The following RBM25 variants were observed in gnomAD, a reference collection of about 807,000 sequenced individuals.
RBM25 encodes the protein RNA-binding protein 25.
RBM25 carries 19 observed loss-of-function variants against 120.7 expected under a neutral mutation model. The observed-to-expected ratio is 0.16, with a 90% CI of 0.11 to 0.23. The LOEUF is 0.23. Among genes scored for constraint, RBM25 ranks in the 10% least tolerant of loss-of-function variants. The probability of loss-of-function intolerance (pLI) is 1.00; values close to 1 mark genes in which losing one functional copy is unlikely to be tolerated. For synonymous variants in RBM25, 390 were observed against 326.7 expected, an observed-to-expected ratio of 1.19 and a Z score of -2.09; for missense variants, 605 against 1,041.5, an observed-to-expected ratio of 0.58 and a Z score of 5.77.
chr14:73,086,106 G>T (rs962846277), intron 5 of RBM25, among the ~76,000 whole-genome samples: 1 of 151,662 alleles, frequency 6.6e-6, no homozygotes, highest in Admixed American at 6.6e-5. Flanking sequence ...TTTCTCCAGG[G>T]GAAATTGTTT....
Position 73,108,844 on chromosome 14 carries a change from C to T in RBM25, c.1542-498C>T, listed in dbSNP as rs756039133. 4.6e-5 allele frequency among the ~76,000 whole-genome samples: 7 copies of T among 152,144 alleles called. No individual in the cohort carries two copies. The East Asian group carries it at 5.8e-4, about 13-fold the overall frequency. On this transcript the variant is annotated intron_variant, in intron 13 of 18. Coordinates refer to ENST00000261973, the MANE Select transcript of RBM25 (RefSeq NM_021239.3). The stretch of plus-strand genomic sequence containing the variant: ...AGAAGCATAAAGTGGCAATGTATAA[C>T]GTCAACATTCTGAGAAGTAATGAAC...
chr14:73,075,105 C>G (rs933104578), intron 2 of RBM25, among the ~76,000 whole-genome samples: 1 of 151,824 alleles, frequency 6.6e-6, no homozygotes, highest in Non-Finnish European at 1.5e-5. Context: ...CTCCTGGGCT[C>G]AGGGATCCTT....
intron 9 of RBM25, chr14:73,101,349 A>G (rs1448197071): frequency 6.6e-6 from 1 of 152,328 alleles, no homozygotes; most frequent in Non-Finnish European, 1.5e-5. Context: ...AGCACGGATG[A>G]GTCTGAAGAG....
At chr14:73,110,783 T>TTGAATGG in intron 14 of RBM25, 48 bp from the exon 15 acceptor site, 1 of 1,544,444 alleles carries the variant, frequency 6.5e-7, no homozygotes. Context: ...AAAAATCAAG[T>TTGAATGG]TGAATGGTGT....
At position 73,097,037 on chromosome 14, in the gene RBM25, A is replaced by G; in HGVS notation, c.666A>G (p.Leu222=). The G allele has an allele frequency of 6.2e-7, 1 of 1,613,862 alleles. No homozygotes were observed. The highest frequency in any genetic ancestry group is 8.5e-7 in the Non-Finnish European group (1 of 1,179,916). ...TAATTCGTGAATACTCCAGTGAGCT[A>G]AATGCCCCCTCACAGGAATCTGATT... ...EVLIREYSSE[L]NAPSQESDSH... The change falls in exon 7 of 19, where the codon CTA becomes CTG. Residue 222 remains leucine (L), a synonymous_variant. Transcript: ENST00000261973.
At chr14:73,114,163 T>A (rs1238256323) in intron 17 of RBM25, 123 bp from the exon 18 acceptor site, 17 of 671,508 alleles carry the variant, frequency 2.5e-5, no homozygotes, top group Non-Finnish European at 4.1e-5. Context: ...AAAACATTTA[T>A]AGAATGGTTC....
intron 4 of RBM25, among the ~76,000 whole-genome samples, chr14:73,079,049 G>C (rs1165737491): frequency 6.6e-6 from 1 of 152,062 alleles, no homozygotes; most frequent in Non-Finnish European, 1.5e-5. Context: ...TAAGCTTGTT[G>C]ATTCACTTTT....
intron 10 of RBM25, among the ~76,000 whole-genome samples, chr14:73,104,385 C>A (rs757983762): frequency 1.5e-5 from 2 of 130,450 alleles, no homozygotes; most frequent in African/African-American, 5.8e-5. Context: ...TTTTTTTTTT[C>A]TGAGACAAGT....
chr14:73,059,015 C>CT (rs965351434), intron 1 of RBM25, among the ~76,000 whole-genome samples: 2 of 152,176 alleles, frequency 1.3e-5, no homozygotes, highest in Non-Finnish European at 2.9e-5. Flanking sequence ...TCTGCCCCCC[C>CT]TGGGCTCCAC....
intron 17 of RBM25, among the ~76,000 whole-genome samples, chr14:73,114,066 G>A (rs1896372664): frequency 6.6e-6 from 1 of 151,182 alleles, no homozygotes; most frequent in Admixed American, 6.6e-5. Flanking sequence ...TGTGAGATTT[G>A]ACTTAAAATT....
intron 7 of RBM25, among the ~76,000 whole-genome samples, chr14:73,098,004 A>T (rs540686738): frequency 6.6e-6 from 1 of 152,168 alleles, no homozygotes; most frequent in Non-Finnish European, 1.5e-5. Flanking sequence ...TGGCTGACAC[A>T]TGTAGTCCCA....
chr14:73,081,403 G>A (rs1220345443), intron 4 of RBM25, among the ~76,000 whole-genome samples: 3 of 152,226 alleles, frequency 2.0e-5, no homozygotes, highest in Admixed American at 2.0e-4. Flanking sequence ...TTCCCAAAGT[G>A]TGGGGATTCT....
At chr14:73,118,986 C>T (rs1896491224) in intron 18 of RBM25, among the ~76,000 whole-genome samples, 1 of 152,022 alleles carries the variant, frequency 6.6e-6, no homozygotes. Context: ...CCAGGCTGGT[C>T]TTGAACTCTT....
At chr14:73,110,693 TG>T in intron 14 of RBM25, 137 bp from the exon 15 acceptor site, 1 of 1,047,410 alleles carries the variant, frequency 9.5e-7, no homozygotes, top group Non-Finnish European at 1.3e-6. Flanking sequence ...CCTCCCAAAG[TG>T]CTGGGATTAC....
chr14:73,079,474 T>C (rs1895507918), intron 4 of RBM25, among the ~76,000 whole-genome samples: 1 of 150,518 alleles, frequency 6.6e-6, no homozygotes, highest in South Asian at 2.1e-4. Context: ...ACTGAGAGGA[T>C]CTGCAAAGAT....
At chr14:73,110,074 G>A (rs963968432) in intron 14 of RBM25, among the ~76,000 whole-genome samples, 17 of 151,556 alleles carry the variant, frequency 1.1e-4, no homozygotes, top group South Asian at 6.3e-4. Flanking sequence ...TAGTGGCGAC[G>A]GGGTTTTACC....
intron 5 of RBM25, 44 bp from the exon 6 acceptor site, chr14:73,087,957 G>T (rs1171130686): frequency 1.0e-5 from 16 of 1,566,492 alleles, no homozygotes; most frequent in African/African-American, 5.5e-5. Context: ...TTTTTCTTTT[G>T]TAAGTGAATT....
intron 4 of RBM25, among the ~76,000 whole-genome samples, chr14:73,082,702 T>G (rs956145686): frequency 2.0e-5 from 3 of 152,118 alleles, no homozygotes; most frequent in Admixed American, 2.0e-4. Flanking sequence ...ATAGTTAGAG[T>G]CTTGCTGTGT....
chr14:73,116,663 T>C (rs1048275108), intron 18 of RBM25, among the ~76,000 whole-genome samples: 1 of 152,206 alleles, frequency 6.6e-6, no homozygotes, highest in Non-Finnish European at 1.5e-5. Flanking sequence ...TAGTTAGGCC[T>C]GAGTGAAGAC....
Sources: allele counts gnomAD v4.1 joint callset (sites outside exome capture counted in the v4.1 genomes callset), GRCh38; gene constraint gnomAD v4.1.1; transcripts MANE v1.5; gene names NCBI Gene and HGNC (gene_info 2026-07-23, HGNC 2026-07-21).